Variants in CFAP299 observed in about 807,000 individuals in gnomAD.
The protein encoded by CFAP299 is cilia and flagella associated protein 299, also known as cilia- and flagella-associated protein 299.
Under a neutral mutation model 27.0 loss-of-function variants are expected in CFAP299, and 21 were observed. That is an observed-to-expected ratio of 0.78 (90% CI 0.55 to 1.12). The LOEUF (loss-of-function observed/expected upper bound fraction) is 1.12. Ranked by LOEUF, CFAP299 falls within the 50% of genes most tolerant of loss-of-function variation. The probability of loss-of-function intolerance (pLI) is 0.00; values close to 1 mark genes in which losing one functional copy is unlikely to be tolerated. For synonymous variants in CFAP299, 104 were observed against 98.1 expected (o/e 1.06, Z -0.36); for missense variants, 310 against 276.6 (o/e 1.12, Z -0.86).
intron 4 of CFAP299, among the ~76,000 whole-genome samples, chr4:80,933,033 CTG>C (rs1736700178): frequency 6.6e-6 from 1 of 152,104 alleles, no homozygotes; most frequent in South Asian, 2.1e-4. Flanking sequence ...AGGTATACAA[CTG>C]TGAAATATAT....
chr4:80,407,910 T>C (rs986579047), intron 2 of CFAP299, among the ~76,000 whole-genome samples: 4 of 152,216 alleles, frequency 2.6e-5, no homozygotes, highest in African/African-American at 4.8e-5. Context: ...CTAGACATAA[T>C]CTTTTGGGAC....
At chr4:80,539,370 C>G (rs985421200) in intron 2 of CFAP299, among the ~76,000 whole-genome samples, 1 of 152,146 alleles carries the variant, frequency 6.6e-6, no homozygotes, top group African/African-American at 2.4e-5. Flanking sequence ...GCACCAGGTT[C>G]GTCAGGAGGC....
intron 1 of CFAP299, among the ~76,000 whole-genome samples, chr4:80,351,358 G>A (rs536169438): frequency 2.6e-5 from 4 of 152,110 alleles, no homozygotes; most frequent in Admixed American, 2.6e-4. Context: ...ACAAAAGATA[G>A]CAGAGGATAA....
chr4:80,701,139 G>A (rs1721451376), intron 3 of CFAP299, among the ~76,000 whole-genome samples: 1 of 151,856 alleles, frequency 6.6e-6, no homozygotes, highest in Non-Finnish European at 1.5e-5. Context: ...TAATGGATAA[G>A]GATCATAAAA....
At chr4:80,408,022 A>G (rs1726520159) in intron 2 of CFAP299, among the ~76,000 whole-genome samples, 1 of 152,178 alleles carries the variant, frequency 6.6e-6, no homozygotes, top group South Asian at 2.1e-4. Flanking sequence ...TGTTGAATAT[A>G]CTACCATAGA....
chr4:80,958,183 T>TA (rs1407744903), intron 5 of CFAP299, among the ~76,000 whole-genome samples: 3 of 152,140 alleles, frequency 2.0e-5, no homozygotes, highest in Non-Finnish European at 4.4e-5. Context: ...AACTTATACA[T>TA]AGTATACAAT....
chr4:80,777,470 A>G (rs952287949), intron 3 of CFAP299, among the ~76,000 whole-genome samples: 1 of 152,040 alleles, frequency 6.6e-6, no homozygotes, highest in Non-Finnish European at 1.5e-5. Context: ...TTCAGTGCTG[A>G]TACTACTAAC....
intron 1 of CFAP299, among the ~76,000 whole-genome samples, chr4:80,337,193 A>G (rs934892075): frequency 6.6e-6 from 1 of 152,344 alleles, no homozygotes; most frequent in South Asian, 2.1e-4. Context: ...GTTTAAATAA[A>G]CAAAAAATGA....
intron 2 of CFAP299, among the ~76,000 whole-genome samples, chr4:80,399,998 G>C (rs1726052615): frequency 6.6e-6 from 1 of 151,214 alleles, no homozygotes; most frequent in South Asian, 2.2e-4. Flanking sequence ...AGAAATAGTA[G>C]ACTTTTAAAA....
chr4:80,858,459 T>C (rs1732077386), intron 3 of CFAP299, among the ~76,000 whole-genome samples: 1 of 152,182 alleles, frequency 6.6e-6, no homozygotes, highest in Non-Finnish European at 1.5e-5. Context: ...AGCTTTTGAA[T>C]GTGTTTGCTC....
intron 3 of CFAP299, among the ~76,000 whole-genome samples, chr4:80,634,877 A>G (rs940528170): frequency 1.3e-5 from 2 of 152,092 alleles, no homozygotes; most frequent in Admixed American, 6.6e-5. Flanking sequence ...GTGAATGCCA[A>G]CCAAACTAGA....
intron 3 of CFAP299, among the ~76,000 whole-genome samples, chr4:80,867,398 T>C (rs181944405): frequency 2.0e-5 from 3 of 152,286 alleles, no homozygotes; most frequent in South Asian, 4.2e-4. Context: ...AATAAGCTTG[T>C]TTTTAACTTA....
chr4:80,779,081 G>A (rs534845954), intron 3 of CFAP299, among the ~76,000 whole-genome samples: 1 of 152,142 alleles, frequency 6.6e-6, no homozygotes, highest in African/African-American at 2.4e-5. Flanking sequence ...TTAGAAGGCA[G>A]ACACCATTAT....
chr4:80,687,992 A>C (rs1349831619), intron 3 of CFAP299, among the ~76,000 whole-genome samples: 1 of 152,176 alleles, frequency 6.6e-6, no homozygotes, highest in Non-Finnish European at 1.5e-5. Flanking sequence ...GGGCTTAAAA[A>C]ACGGCGCACC....
At position 80,790,709 on chromosome 4, in the gene CFAP299, G is replaced by T. The variant is rs150740230; in HGVS notation, c.334-79284G>T. ...CTAGAACACAAAAAATAAATGTGTT[G>T]TTTATAAGCCATCCAATCTATGGTG... On this transcript the variant is annotated intron_variant, in intron 3 of 5. Transcript: ENST00000358105. 3.9e-5 allele frequency among the ~76,000 whole-genome samples: 6 copies of T among 152,090 alleles called. No individual in the cohort carries two copies. The East Asian group carries it at 1.2e-3, about 29-fold the overall frequency.
chr4:80,622,725 A>G (rs961771474), intron 3 of CFAP299, among the ~76,000 whole-genome samples: 2 of 152,200 alleles, frequency 1.3e-5, no homozygotes, highest in Non-Finnish European at 2.9e-5. Context: ...CAAAAGCAAG[A>G]TCAATATTTT....
chr4:80,699,314 A>C (rs559083006), intron 3 of CFAP299, among the ~76,000 whole-genome samples: 1 of 152,164 alleles, frequency 6.6e-6, no homozygotes, highest in Non-Finnish European at 1.5e-5. Context: ...TGGCTTGTCA[A>C]CATCTCACTG....
intron 2 of CFAP299, among the ~76,000 whole-genome samples, chr4:80,531,711 T>C (rs1733473943): frequency 6.6e-6 from 1 of 151,504 alleles, no homozygotes; most frequent in African/African-American, 2.4e-5. Flanking sequence ...CATCTAGGTG[T>C]GGCTGTGTGA....
intron 2 of CFAP299, among the ~76,000 whole-genome samples, chr4:80,375,775 G>T (rs1410083836): frequency 6.6e-6 from 1 of 152,186 alleles, no homozygotes; most frequent in Admixed American, 6.5e-5. Flanking sequence ...TGGTGGAAAT[G>T]GTTAGGTTCT....
Sources: allele counts gnomAD v4.1 joint callset (sites outside exome capture counted in the v4.1 genomes callset), GRCh38; gene constraint gnomAD v4.1.1; transcripts MANE v1.5; gene names NCBI Gene and HGNC (gene_info 2026-07-23, HGNC 2026-07-21).